SLC17A8: variants seen among roughly 807,000 people sequenced by gnomAD.
SLC17A8 encodes solute carrier family 17 member 8.
In SLC17A8, 31 loss-of-function variants were observed where a neutral mutation model predicts 58.0. That is an observed-to-expected ratio of 0.53 (90% CI 0.40 to 0.72). The LOEUF (loss-of-function observed/expected upper bound fraction) is 0.72, where lower values mean the gene tolerates loss of function less well. Ranked by LOEUF, SLC17A8 falls within the 30% of genes least tolerant of loss-of-function variation. The pLI, the probability that SLC17A8 is intolerant of heterozygous loss-of-function variation, is 0.00. For missense variants in SLC17A8, 655 were observed against 727.8 expected (o/e 0.90, Z 1.15); for synonymous variants, 228 against 249.0 (o/e 0.92, Z 0.79).
intron 2 of SLC17A8, among the ~76,000 whole-genome samples, chr12:100,388,528 C>T (rs894102432): frequency 2.6e-5 from 4 of 152,058 alleles, no homozygotes; most frequent in Non-Finnish European, 2.9e-5. Context: ...CTTTCTAATC[C>T]GTAAAATGAG....
intron 2 of SLC17A8, among the ~76,000 whole-genome samples, chr12:100,381,949 G>C (rs760381243): frequency 6.6e-6 from 1 of 152,210 alleles, no homozygotes; most frequent in Non-Finnish European, 1.5e-5. Context: ...TTCCACGTGG[G>C]ACACAGTCAT....
At chr12:100,392,281 AAG>A (rs976081595) in intron 3 of SLC17A8, among the ~76,000 whole-genome samples, 6 of 152,202 alleles carry the variant, frequency 3.9e-5, no homozygotes, top group Admixed American at 2.6e-4. Context: ...ATTTTTAAAA[AAG>A]AGAGAAATAG....
intron 1 of SLC17A8, among the ~76,000 whole-genome samples, chr12:100,379,115 C>T (rs918385328): frequency 3.3e-5 from 5 of 152,198 alleles, no homozygotes; most frequent in South Asian, 2.1e-4. Flanking sequence ...ATACTTGTGC[C>T]GGAAATTTGA....
intron 2 of SLC17A8, among the ~76,000 whole-genome samples, chr12:100,382,443 G>T (rs555550477): frequency 4.6e-5 from 7 of 152,300 alleles, no homozygotes; most frequent in African/African-American, 1.4e-4. Flanking sequence ...TGGGGTAAAA[G>T]AAACAAACAA....
intron 4 of SLC17A8, among the ~76,000 whole-genome samples, chr12:100,394,829 A>G (rs868073940): frequency 6.8e-6 from 1 of 147,584 alleles, no homozygotes; most frequent in South Asian, 2.1e-4. Context: ...CATATATAGT[A>G]TATATATAAT....
intron 2 of SLC17A8, among the ~76,000 whole-genome samples, chr12:100,390,736 GGGCTCAAGCCAGGA>G (rs1952709742): frequency 6.6e-6 from 1 of 151,786 alleles, no homozygotes; most frequent in South Asian, 2.1e-4. Context: ...TTGACCTCCT[GGGCTCAAGCCAGGA>G]GGCTCAAGCC....
chr12:100,414,282 G>A (rs779608601), intron 10 of SLC17A8, among the ~76,000 whole-genome samples: 29 of 152,130 alleles, frequency 1.9e-4, no homozygotes, highest in Non-Finnish European at 3.2e-4. Flanking sequence ...TGGAACCTCT[G>A]GTCTAAACTG....
At chr12:100,377,137 A>G (rs1231384550) in intron 1 of SLC17A8, among the ~76,000 whole-genome samples, 1 of 152,054 alleles carries the variant, frequency 6.6e-6, no homozygotes. Context: ...ATCCTACTTA[A>G]GTTACACGTA....
chr12:100,376,511 G>C (rs759654403), intron 1 of SLC17A8, among the ~76,000 whole-genome samples: 18 of 152,152 alleles, frequency 1.2e-4, no homozygotes, highest in Admixed American at 1.3e-4. Context: ...AAGGAGAAGG[G>C]TTTCATATCT....
intron 4 of SLC17A8, among the ~76,000 whole-genome samples, chr12:100,395,691 C>T (rs139358545): frequency 0.014 from 2,057 of 152,120 alleles, 48 homozygotes; most frequent in African/African-American, 0.046. Flanking sequence ...CAGCTCACTG[C>T]AATCTCTGCC....
intron 2 of SLC17A8, among the ~76,000 whole-genome samples, chr12:100,384,625 T>A (rs1381128409): frequency 4.6e-5 from 7 of 152,040 alleles, no homozygotes; most frequent in African/African-American, 1.7e-4. Flanking sequence ...TGTAAGAGGA[T>A]CTCGTGAAAG....
At chr12:100,390,588 T>G (rs935388136) in intron 2 of SLC17A8, among the ~76,000 whole-genome samples, 1 of 152,046 alleles carries the variant, frequency 6.6e-6, no homozygotes, top group African/African-American at 2.4e-5. Flanking sequence ...GACCTCGTGA[T>G]CCACCCGCCT....
intron 1 of SLC17A8, among the ~76,000 whole-genome samples, chr12:100,362,137 G>T (rs1265506650): frequency 6.6e-6 from 1 of 152,232 alleles, no homozygotes; most frequent in African/African-American, 2.4e-5. Context: ...TCAGTCATCA[G>T]CTCTGGGCTG....
chr12:100,395,145 T>C (rs993283043), intron 4 of SLC17A8, among the ~76,000 whole-genome samples: 13 of 151,966 alleles, frequency 8.6e-5, no homozygotes, highest in African/African-American at 2.9e-4. Context: ...TCTATGATAA[T>C]ATGAAATATA....
chr12:100,380,890 A>G lies in SLC17A8; in HGVS notation c.291A>G (p.Gly97=), dbSNP rs368282431. The change falls in exon 2 of 12, where the codon GGA becomes GGG. Residue 97 remains glycine (G), a synonymous_variant. Transcript: ENST00000323346. The part of the protein sequence containing the change: ...CISFGIRCNL[G]VAIVEMVNNS... Reference sequence around the variant, plus strand: ...CCTTTGGGATCCGGTGCAATCTTGGAGTTGCCATTGTGGAAATGGTCAACA... The same window carrying G: ...CCTTTGGGATCCGGTGCAATCTTGGGGTTGCCATTGTGGAAATGGTCAACA... 1 of 1,614,096 alleles carries G rather than the reference A, an allele frequency of 6.2e-7. No individual in the cohort carries two copies. The highest frequency in any genetic ancestry group is 8.5e-7 in the Non-Finnish European group (1 of 1,180,034).
intron 5 of SLC17A8, among the ~76,000 whole-genome samples, chr12:100,396,729 C>T (rs1235265645): frequency 2.6e-5 from 4 of 151,948 alleles, no homozygotes; most frequent in African/African-American, 9.7e-5. Flanking sequence ...GCCTGAGTGA[C>T]AGAGTGAGAC....
At chr12:100,358,251 A>G (rs1416247295) in intron 1 of SLC17A8, among the ~76,000 whole-genome samples, 1 of 152,226 alleles carries the variant, frequency 6.6e-6, no homozygotes, top group African/African-American at 2.4e-5. Context: ...CCTTATGTGC[A>G]AGGTAAAATG....
rs1952948528 is a variant in SLC17A8, at chr12:100,421,577, A to G, written c.*1418A>G. 1 of 152,072 alleles carries G rather than the reference A, an allele frequency of 6.6e-6. No individual in the cohort carries two copies. Among genetic ancestry groups the G allele is most frequent in the African/African-American group, 2.4e-5 (1 of 41,434 alleles). The allele number at this position is 152,072 out of a possible 1,614,324, so 9.4% of individuals were successfully genotyped here. ...AATTATTTTCCTGTTCATTGATTTT[A>G]AACATTTTATTCCTACTTTCAGAAG... On this transcript the variant is annotated 3_prime_UTR_variant, in exon 12 of 12. Transcript: ENST00000323346.
At chr12:100,406,433 C>A (rs1413471046) in intron 9 of SLC17A8, among the ~76,000 whole-genome samples, 9 of 152,046 alleles carry the variant, frequency 5.9e-5, no homozygotes, top group African/African-American at 2.2e-4. Context: ...GGATGTTTTT[C>A]TAGGGTCAGA....
Sources: gnomAD v4.1 joint callset for allele counts (sites outside exome capture counted in the v4.1 genomes callset) on GRCh38, gnomAD v4.1.1 for gene constraint, MANE v1.5 for transcripts, NCBI Gene and HGNC (gene_info 2026-07-23, HGNC 2026-07-21) for gene names.